CAPRIN1: variants seen among roughly 807,000 people sequenced by gnomAD.
The protein encoded by CAPRIN1 is cell cycle associated protein 1.
CAPRIN1 carries 29 observed loss-of-function variants against 100.9 expected under a neutral mutation model. The observed-to-expected ratio is 0.29, with a 90% confidence interval of 0.21 to 0.39. The LOEUF (loss-of-function observed/expected upper bound fraction) is 0.39, where lower values mean the gene tolerates loss of function less well. CAPRIN1 is among the 10% of genes least tolerant of loss of function. The pLI is 1.00. For missense variants in CAPRIN1, 795 were observed against 876.7 expected (o/e 0.91, Z 1.18); for synonymous variants, 338 against 307.5 (o/e 1.10, Z -1.04).
intron 14 of CAPRIN1, among the ~76,000 whole-genome samples, chr11:34,091,244 A>G (rs1458905841): frequency 1.3e-5 from 2 of 152,256 alleles, no homozygotes; most frequent in Non-Finnish European, 2.9e-5. Flanking sequence ...GTTAAAGTTC[A>G]TAGAACAAAC....
intron 2 of CAPRIN1, chr11:34,053,039 G>C: frequency 9.6e-7 from 1 of 1,042,288 alleles, no homozygotes; most frequent in Non-Finnish European, 1.2e-6. Context: ...CTGCGCGGGG[G>C]GCTCCGGGTT....
intron 2 of CAPRIN1, among the ~76,000 whole-genome samples, chr11:34,058,203 C>T (rs1359955554): frequency 2.6e-5 from 4 of 152,098 alleles, no homozygotes; most frequent in Admixed American, 2.6e-4. Context: ...GTGGTGCAAT[C>T]TCAGCTCACT....
chr11:34,066,044 C>G (rs762007091), intron 2 of CAPRIN1, among the ~76,000 whole-genome samples: 1 of 152,060 alleles, frequency 6.6e-6, no homozygotes, highest in Non-Finnish European at 1.5e-5. Context: ...CGTGATCACA[C>G]GTTGAGGCTA....
intron 2 of CAPRIN1, among the ~76,000 whole-genome samples, chr11:34,069,080 T>G (rs543618970): frequency 6.6e-6 from 1 of 152,264 alleles, no homozygotes; most frequent in African/African-American, 2.4e-5. Context: ...TGTATATTTT[T>G]AAATAGAGGA....
At chr11:34,072,359 G>C (rs1256315594) in intron 4 of CAPRIN1, among the ~76,000 whole-genome samples, 1 of 150,862 alleles carries the variant, frequency 6.6e-6, no homozygotes, top group African/African-American at 2.4e-5. Flanking sequence ...TTTTTAAAAG[G>C]ACCAAGTTTG....
At chr11:34,065,828 A>G (rs1850678848) in intron 2 of CAPRIN1, among the ~76,000 whole-genome samples, 1 of 152,198 alleles carries the variant, frequency 6.6e-6, no homozygotes, top group African/African-American at 2.4e-5. Context: ...AACTTTGATC[A>G]GACTTAGGAT....
intron 9 of CAPRIN1, among the ~76,000 whole-genome samples, chr11:34,085,259 T>G (rs1851115793): frequency 6.6e-6 from 1 of 152,168 alleles, no homozygotes. Context: ...AGCTTTGGCT[T>G]CTGTAGCAGT....
chr11:34,084,361 A>G (rs374877135), intron 9 of CAPRIN1, among the ~76,000 whole-genome samples: 4 of 152,336 alleles, frequency 2.6e-5, no homozygotes, highest in South Asian at 2.1e-4. Flanking sequence ...GGTACTTGGG[A>G]TGAAAATACT....
chr11:34,097,584 T>C, intron 17 of CAPRIN1, 114 bp from the exon 18 acceptor site: 1 of 1,130,198 alleles, frequency 8.8e-7, no homozygotes. Flanking sequence ...AAACTGATAC[T>C]GAAGTGTCTA....
chr11:34,058,596 C>T (rs935583430), intron 2 of CAPRIN1, among the ~76,000 whole-genome samples: 1 of 152,150 alleles, frequency 6.6e-6, no homozygotes, highest in Non-Finnish European at 1.5e-5. Flanking sequence ...AAATGCTTTC[C>T]ATTTCCTTAT....
At chr11:34,097,613 C>T (rs1851392145) in intron 17 of CAPRIN1, 85 bp from the exon 18 acceptor site, 3 of 1,463,742 alleles carry the variant, frequency 2.0e-6, no homozygotes, top group Admixed American at 1.7e-5. Context: ...AGGAAGAATT[C>T]TGTATTGAGT....
At chr11:34,056,177 T>G (rs1319419694) in intron 2 of CAPRIN1, among the ~76,000 whole-genome samples, 1 of 152,236 alleles carries the variant, frequency 6.6e-6, no homozygotes, top group Non-Finnish European at 1.5e-5. Flanking sequence ...GCAACTTACA[T>G]TTGAGCTTTA....
chr11:34,097,226 C>CT lies in CAPRIN1; in HGVS notation c.1932dup (p.Asn645Ter). The stretch of plus-strand genomic sequence containing the variant: ...TATGATGGTTACCGCCCTTCATTCT[C>CT]TAACACTCCAAACAGTGGTTATACA... On this transcript the variant is annotated frameshift_variant, in exon 17 of 19. Coordinates refer to ENST00000341394, the MANE Select transcript of CAPRIN1 (RefSeq NM_005898.5). LOFTEE classifies it high-confidence loss of function. The CT allele has an allele frequency of 1.9e-6, 3 of 1,613,854 alleles. No individual in the cohort carries two copies. The highest frequency in any genetic ancestry group is 1.7e-6 in the Non-Finnish European group (2 of 1,179,726).
intron 16 of CAPRIN1, among the ~76,000 whole-genome samples, 194 bp from the exon 17 acceptor site, chr11:34,097,002 A>G (rs1052438705): frequency 2.0e-5 from 3 of 152,190 alleles, no homozygotes; most frequent in African/African-American, 7.2e-5. Flanking sequence ...AGATGGGTTA[A>G]AAGTTTATCT....
chr11:34,068,417 A>C (rs1850741244), intron 2 of CAPRIN1, among the ~76,000 whole-genome samples: 1 of 152,228 alleles, frequency 6.6e-6, no homozygotes, highest in Admixed American at 6.5e-5. Context: ...TGCCAAGGTC[A>C]CATTTTAGAA....
At position 34,053,285 on chromosome 11, in the gene CAPRIN1, A is replaced by G. The variant is rs546294607; in HGVS notation, c.216+649A>G. ...CCCCTGCGTTTCCCTCTTTGTTTCAATTGTTTAGGTGTCCCCCCGAGCCTC... is the reference window on the plus strand; with the variant it reads ...CCCCTGCGTTTCCCTCTTTGTTTCAGTTGTTTAGGTGTCCCCCCGAGCCTC... On this transcript the variant is annotated intron_variant, in intron 2 of 18. Transcript: ENST00000341394. 9.8e-4 allele frequency: 345 copies of G among 352,764 alleles called. 1 individual carries two copies. The highest frequency in any genetic ancestry group is 1.2e-3 in the South Asian group (11 of 8,874). The allele number at this position is 352,764 out of a possible 1,614,324, so 21.9% of individuals were successfully genotyped here.
intron 4 of CAPRIN1, 109 bp downstream of exon 4, chr11:34,072,096 C>T: frequency 1.5e-6 from 1 of 654,078 alleles, no homozygotes; most frequent in Non-Finnish European, 2.7e-6. Flanking sequence ...CAGTTGTATC[C>T]AATTATATCT....
chr11:34,086,248 CAG>C, intron 10 of CAPRIN1, 29 bp downstream of exon 10: 18 of 1,610,666 alleles, frequency 1.1e-5, no homozygotes, highest in Non-Finnish European at 1.4e-5. Context: ...GACTCTGTAA[CAG>C]AAAGTTTAAG....
In CAPRIN1 at chr11:34,102,296, C is replaced by T. The variant is rs559176843; in HGVS notation, c.*2929C>T. ...GTTCATTATATTTTCCGTCATATAA[C>T]TAGAGGAAGTGGAATGCAGATAAGT... On this transcript the variant is annotated 3_prime_UTR_variant, in exon 19 of 19. Transcript: ENST00000341394. Among the ~76,000 whole-genome samples, 1 of 152,260 alleles carries T rather than the reference C, an allele frequency of 6.6e-6. No homozygotes were observed. The highest frequency in any genetic ancestry group is 2.1e-4 in the South Asian group (1 of 4,826).
Sources: allele counts gnomAD v4.1 joint callset (sites outside exome capture counted in the v4.1 genomes callset), GRCh38; gene constraint gnomAD v4.1.1; transcripts MANE v1.5; gene names NCBI Gene and HGNC (gene_info 2026-07-23, HGNC 2026-07-21).